Variants in FGGY observed in about 807,000 individuals in gnomAD.
FGGY encodes the protein FGGY carbohydrate kinase domain containing, also known as FGGY carbohydrate kinase domain-containing protein.
A neutral mutation model predicts 71.3 loss-of-function variants in FGGY; 72 were observed. The ratio of observed to expected loss-of-function variants is 1.01; its 90% CI spans 0.84 to 1.23. FGGY has a LOEUF of 1.23. Among genes scored for constraint, FGGY ranks in the 50% most tolerant of loss-of-function variants. The pLI, the probability that FGGY is intolerant of heterozygous loss-of-function variation, is 0.00. For synonymous variants in FGGY, 251 were observed against 250.3 expected (o/e 1.00, Z -0.02); for missense variants, 668 against 682.3 (o/e 0.98, Z 0.23).
intron 8 of FGGY, among the ~76,000 whole-genome samples, chr1:59,591,946 C>A (rs1319162347): frequency 1.4e-4 from 22 of 152,210 alleles, no homozygotes; most frequent in African/African-American, 2.4e-4. Flanking sequence ...AATGGGATCT[C>A]ATTAAACTAA....
intron 14 of FGGY, among the ~76,000 whole-genome samples, chr1:59,718,147 T>G (rs1234538809): frequency 2.0e-5 from 3 of 152,158 alleles, no homozygotes; most frequent in Admixed American, 1.3e-4. Context: ...TCCAAGACCA[T>G]AAGGGATTTG....
intron 5 of FGGY, among the ~76,000 whole-genome samples, chr1:59,384,483 T>C (rs2059851633): frequency 6.6e-6 from 1 of 152,142 alleles, no homozygotes; most frequent in Non-Finnish European, 1.5e-5. Context: ...ATGGAAATAA[T>C]GACAACACCT....
intron 1 of FGGY, among the ~76,000 whole-genome samples, chr1:59,306,288 A>G (rs931312999): frequency 1.3e-5 from 2 of 152,194 alleles, no homozygotes; most frequent in Non-Finnish European, 1.5e-5. Flanking sequence ...TCAGATACCA[A>G]TAATAAAGGG....
At chr1:59,630,760 C>G (rs1430046813) in intron 10 of FGGY, among the ~76,000 whole-genome samples, 1 of 152,150 alleles carries the variant, frequency 6.6e-6, no homozygotes, top group East Asian at 1.9e-4. Context: ...AGAGAAACAA[C>G]AGTATCGGGT....
At chr1:59,586,803 G>C (rs2096298089) in intron 8 of FGGY, among the ~76,000 whole-genome samples, 1 of 152,164 alleles carries the variant, frequency 6.6e-6, no homozygotes, top group Admixed American at 6.5e-5. Context: ...ATGCATTTGA[G>C]GAAGAAGCAG....
intron 6 of FGGY, among the ~76,000 whole-genome samples, chr1:59,484,984 G>A (rs1028957290): frequency 7.9e-5 from 12 of 152,142 alleles, no homozygotes; most frequent in Non-Finnish European, 1.5e-4. Context: ...ATAATTTAGA[G>A]TGAATCACAC....
intron 7 of FGGY, among the ~76,000 whole-genome samples, chr1:59,524,704 G>A (rs1032358235): frequency 1.3e-4 from 20 of 151,922 alleles, no homozygotes; most frequent in African/African-American, 4.1e-4. Context: ...CTGAGAGCTG[G>A]ACACTCATCT....
At chr1:59,595,500 C>A (rs573867019) in intron 8 of FGGY, among the ~76,000 whole-genome samples, 1 of 152,090 alleles carries the variant, frequency 6.6e-6, no homozygotes, top group African/African-American at 2.4e-5. Flanking sequence ...ACCAGCCTAG[C>A]CAATATGGCG....
intron 6 of FGGY, among the ~76,000 whole-genome samples, chr1:59,505,674 A>G (rs2094359558): frequency 6.6e-6 from 1 of 152,150 alleles, no homozygotes; most frequent in Non-Finnish European, 1.5e-5. Context: ...CTTCCAGTTA[A>G]TTCAACACCC....
intron 12 of FGGY, among the ~76,000 whole-genome samples, chr1:59,661,194 T>A (rs1411293531): frequency 6.6e-6 from 1 of 152,264 alleles, no homozygotes; most frequent in Admixed American, 6.5e-5. Context: ...TTCTGTTTCT[T>A]CACACAACTG....
intron 9 of FGGY, among the ~76,000 whole-genome samples, chr1:59,623,796 C>G (rs549698617): frequency 6.6e-6 from 1 of 152,214 alleles, no homozygotes; most frequent in East Asian, 1.9e-4. Context: ...AGTGTATCTC[C>G]GGAACCTAGG....
chr1:59,362,080 C>T (rs2055665853), intron 4 of FGGY, among the ~76,000 whole-genome samples: 1 of 152,132 alleles, frequency 6.6e-6, no homozygotes, highest in East Asian at 1.9e-4. Context: ...TTGTCATGGT[C>T]CTGCTGTTAT....
chr1:59,401,232 A>G (rs771685056), intron 5 of FGGY, among the ~76,000 whole-genome samples: 1 of 152,208 alleles, frequency 6.6e-6, no homozygotes, highest in African/African-American at 2.4e-5. Flanking sequence ...TTTTTCTGTC[A>G]TAATATTCAA....
chr1:59,411,812 G>A (rs972434950), intron 5 of FGGY, among the ~76,000 whole-genome samples: 1 of 151,822 alleles, frequency 6.6e-6, no homozygotes, highest in African/African-American at 2.4e-5. Flanking sequence ...CTATCTTTCT[G>A]ACATGTCTCC....
intron 5 of FGGY, among the ~76,000 whole-genome samples, chr1:59,437,669 G>T (rs2068779557): frequency 6.6e-6 from 1 of 152,204 alleles, no homozygotes; most frequent in African/African-American, 2.4e-5. Context: ...GCACATATCA[G>T]TGATTGCTAT....
intron 14 of FGGY, chr1:59,697,766 A>G: frequency 8.3e-7 from 1 of 1,211,698 alleles, no homozygotes; most frequent in South Asian, 1.3e-5. Flanking sequence ...GGTAAACAGA[A>G]TTGCATGCTG....
At chr1:59,584,545 A>G (rs80036913) in intron 8 of FGGY, among the ~76,000 whole-genome samples, 16,061 of 149,844 alleles carry the variant, frequency 0.11, 1,516 homozygotes, top group South Asian at 0.31. Context: ...TATCTATGAC[A>G]AACCCACAGC....
At chr1:59,634,312 C>T (rs1437213987) in intron 10 of FGGY, among the ~76,000 whole-genome samples, 1 of 152,088 alleles carries the variant, frequency 6.6e-6, no homozygotes, top group African/African-American at 2.4e-5. Context: ...GAGGCTGAGG[C>T]AGGAGAATCA....
At chr1:59,751,378 C>G (rs1343757748) in intron 14 of FGGY, among the ~76,000 whole-genome samples, 1 of 152,080 alleles carries the variant, frequency 6.6e-6, no homozygotes, top group Non-Finnish European at 1.5e-5. Flanking sequence ...AACCATATAC[C>G]CCCATCAGTT....
Sources: gnomAD v4.1 joint callset for allele counts (sites outside exome capture counted in the v4.1 genomes callset) on GRCh38, gnomAD v4.1.1 for gene constraint, MANE v1.5 for transcripts, NCBI Gene and HGNC (gene_info 2026-07-23, HGNC 2026-07-21) for gene names.